Variants in IDE observed in about 807,000 individuals in gnomAD.
The protein encoded by IDE is insulin degrading enzyme, also known as insulin-degrading enzyme.
IDE carries 58 observed loss-of-function variants against 133.2 expected under a neutral mutation model. That is an observed-to-expected ratio of 0.44 (90% CI 0.35 to 0.54). The LOEUF (loss-of-function observed/expected upper bound fraction) is 0.54. Among genes scored for constraint, IDE ranks in the 20% least tolerant of loss-of-function variants. The pLI is 0.00. For synonymous variants in IDE, 396 were observed against 421.3 expected (o/e 0.94, Z 0.73); for missense variants, 981 against 1,234.0 (o/e 0.79, Z 3.07).
chr10:92,466,706 C>T (rs1845709990), intron 19 of IDE, among the ~76,000 whole-genome samples: 1 of 151,328 alleles, frequency 6.6e-6, no homozygotes, highest in Admixed American at 6.6e-5. Context: ...CAACCTCCAT[C>T]TCCTGGGTTC....
intron 4 of IDE, among the ~76,000 whole-genome samples, chr10:92,523,633 G>A (rs1433071052): frequency 3.3e-5 from 5 of 150,930 alleles, no homozygotes; most frequent in Admixed American, 6.6e-5. Flanking sequence ...CCTAGGAGGC[G>A]GAGGTTGCAG....
intron 4 of IDE, among the ~76,000 whole-genome samples, chr10:92,526,227 G>A (rs1849618430): frequency 6.6e-6 from 1 of 151,444 alleles, no homozygotes; most frequent in African/African-American, 2.4e-5. Flanking sequence ...AATTAAGGAG[G>A]GCATACACAA....
In IDE at chr10:92,453,455, A is replaced by C. The variant is rs1385324444; in HGVS notation, c.*989T>G. On this transcript the variant is annotated 3_prime_UTR_variant, in exon 25 of 25. Coordinates refer to ENST00000265986, the MANE Select transcript of IDE (RefSeq NM_004969.4). ...ATAAGAATGCAAGGCTTTACTTTTT[A>C]TATTTCCAAAAAGGTGGCTTTGTAT... 1 of 152,198 alleles carries C rather than the reference A, an allele frequency of 6.6e-6. No individual in the cohort carries two copies. Among genetic ancestry groups the C allele is most frequent in the African/African-American group, 2.4e-5 (1 of 41,464 alleles). The allele number at this position is 152,198 out of a possible 1,614,324, so 9.4% of individuals were successfully genotyped here.
chr10:92,572,794 A>C (rs1354387454), intron 1 of IDE: 4 of 636,264 alleles, frequency 6.3e-6, no homozygotes, highest in Non-Finnish European at 7.8e-6. Context: ...AGGCTGGATT[A>C]CGCCCACGCC....
chr10:92,534,022 T>C (rs1414420669), intron 3 of IDE, among the ~76,000 whole-genome samples: 1 of 132,298 alleles, frequency 7.6e-6, no homozygotes, highest in Non-Finnish European at 1.8e-5. Flanking sequence ...AAACTCCGTC[T>C]GAAAAAAAAA....
intron 4 of IDE, among the ~76,000 whole-genome samples, chr10:92,524,469 AAT>A (rs1420303021): frequency 1.5e-5 from 1 of 67,490 alleles, no homozygotes; most frequent in African/African-American, 7.2e-5. Context: ...TATTTTATAT[AAT>A]ATATAATATA....
intron 1 of IDE, among the ~76,000 whole-genome samples, chr10:92,570,009 C>A (rs1244339379): frequency 6.6e-6 from 1 of 151,904 alleles, no homozygotes; most frequent in African/African-American, 2.4e-5. Flanking sequence ...ACTCTGGAGG[C>A]TGAGGCAGAA....
intron 1 of IDE, chr10:92,572,947 T>A (rs1843860277): frequency 1.0e-6 from 1 of 985,236 alleles, no homozygotes; most frequent in Non-Finnish European, 1.2e-6. Context: ...GGCATCCCAA[T>A]CCGCTCCAAT....
At chr10:92,496,394 T>C (rs1028955171) in intron 11 of IDE, among the ~76,000 whole-genome samples, 2 of 152,222 alleles carry the variant, frequency 1.3e-5, no homozygotes, top group African/African-American at 2.4e-5. Context: ...TCCTCTCTTA[T>C]TTACCTGGTC....
At chr10:92,530,935 T>C (rs1054815521) in intron 4 of IDE, among the ~76,000 whole-genome samples, 8 of 152,184 alleles carry the variant, frequency 5.3e-5, no homozygotes, top group East Asian at 1.9e-4. Flanking sequence ...GTTCTCATAA[T>C]AGAGAAGTGA....
chr10:92,510,903 G>A (rs1035144984), intron 5 of IDE, among the ~76,000 whole-genome samples: 2 of 149,716 alleles, frequency 1.3e-5, no homozygotes, highest in Admixed American at 1.3e-4. Flanking sequence ...TCATATATAT[G>A]ATATTAGCAA....
intron 4 of IDE, among the ~76,000 whole-genome samples, chr10:92,520,003 G>A (rs940197680): frequency 2.0e-5 from 3 of 152,158 alleles, no homozygotes. Context: ...ACTCGGGGAG[G>A]CCGAGGCAGG....
At chr10:92,557,805 G>A (rs1277890473) in intron 1 of IDE, among the ~76,000 whole-genome samples, 1 of 135,544 alleles carries the variant, frequency 7.4e-6, no homozygotes, top group African/African-American at 2.7e-5. Context: ...CATAAGAATT[G>A]TTTAAACCTG....
intron 1 of IDE, among the ~76,000 whole-genome samples, chr10:92,568,274 A>C (rs1843643581): frequency 6.6e-6 from 1 of 152,242 alleles, no homozygotes; most frequent in Non-Finnish European, 1.5e-5. Flanking sequence ...CCTATCTTAC[A>C]GAATTTTTGC....
chr10:92,524,288 G>C (rs1170752582), intron 4 of IDE, among the ~76,000 whole-genome samples: 2 of 122,924 alleles, frequency 1.6e-5, no homozygotes, highest in East Asian at 2.2e-4. Context: ...CTTGGTGACA[G>C]AGTGAGACTC....
intron 3 of IDE, 141 bp downstream of exon 3, chr10:92,534,435 TTC>T (rs1304474295): frequency 3.4e-6 from 2 of 595,076 alleles, no homozygotes; most frequent in Non-Finnish European, 5.8e-6. Flanking sequence ...CACTCATTTT[TTC>T]TTTTTCAGAA....
chr10:92,487,087 GTGAGCC>G, intron 13 of IDE, 103 bp downstream of exon 13: 1 of 1,020,108 alleles, frequency 9.8e-7, no homozygotes, highest in South Asian at 1.8e-5. Context: ...CTATTAGGAT[GTGAGCC>G]TCCCCAAATC....
Position 92,524,447 on chromosome 10 carries a change from T to TATATATTATATATTTTATATAATATATAA in IDE, c.661+7300_661+7301insTTATATATTATATAAAATATATAATATAT, listed in dbSNP as rs1564647991. The stretch of plus-strand genomic sequence containing the variant: ...TATAATATATTTTATATAATATATT[T>TATATATTATATATTTTATATAATATATAA]TATATATTATATATTTTATATAATA... On this transcript the variant is annotated intron_variant, in intron 4 of 24. Transcript: ENST00000265986. Among the ~76,000 whole-genome samples, 5 of 10,740 alleles carry TATATATTATATATTTTATATAATATATAA rather than the reference T, an allele frequency of 4.7e-4. 2 individuals carry two copies. The South Asian group carries it at 5.8e-3, about 12-fold the overall frequency. 7.0% of individuals were successfully genotyped at this position (10,740 alleles called of 152,430 possible). A position where few individuals can be genotyped will look rare whatever the true frequency, so the allele number is the denominator to read the frequency against.
Position 92,474,840 on chromosome 10 carries a change from C to A in IDE, c.2116+1G>T, listed in dbSNP as rs2135391443. ...ATTAAGCTTTAAGTAGAAAGTCTCACCATCCAGAGCTTCTTTTAACTCATC... is the reference window on the plus strand; with the variant it reads ...ATTAAGCTTTAAGTAGAAAGTCTCAACATCCAGAGCTTCTTTTAACTCATC... On this transcript the variant is annotated splice_donor_variant, in intron 17 of 24. Transcript: ENST00000265986. LOFTEE classifies it high-confidence loss of function. 1 of 1,604,408 alleles carries A rather than the reference C, an allele frequency of 6.2e-7. No individual in the cohort carries two copies. The highest frequency in any genetic ancestry group is 1.7e-4 in the Middle Eastern group (1 of 6,010).
Sources: gnomAD v4.1 joint callset for allele counts (sites outside exome capture counted in the v4.1 genomes callset) on GRCh38, gnomAD v4.1.1 for gene constraint, MANE v1.5 for transcripts, NCBI Gene and HGNC (gene_info 2026-07-23, HGNC 2026-07-21) for gene names.